Variants in DAGLB observed in about 807,000 individuals in gnomAD.
DAGLB encodes the protein diacylglycerol lipase beta.
In DAGLB, 66 loss-of-function variants were observed where a neutral mutation model predicts 72.1. That is an observed-to-expected ratio of 0.92 (90% confidence interval 0.75 to 1.12). The LOEUF is 1.12. DAGLB is among the 50% of genes most tolerant of loss of function. DAGLB has a pLI of 0.00. For synonymous variants in DAGLB, 414 were observed against 359.5 expected, an observed-to-expected ratio of 1.15 and a Z score of -1.71; for missense variants, 1,065 against 884.9, an observed-to-expected ratio of 1.20 and a Z score of -2.58.
chr7:6,421,321 A>C (rs1337707833), intron 9 of DAGLB, among the ~76,000 whole-genome samples: 4 of 112,350 alleles, frequency 3.6e-5, no homozygotes, highest in East Asian at 5.4e-4. Context: ...GCAGCGCGGG[A>C]GGCGCAGGCA....
intron 9 of DAGLB, among the ~76,000 whole-genome samples, chr7:6,420,491 C>G (rs556638051): frequency 6.6e-6 from 1 of 151,650 alleles, no homozygotes; most frequent in Non-Finnish European, 1.5e-5. Flanking sequence ...AAATCCTGTA[C>G]GATTCCACTT....
At position 6,416,726 on chromosome 7, in the gene DAGLB, C is replaced by T; in HGVS notation, c.1328G>A (p.Ser443Asn). 1 of 1,613,708 alleles carries T rather than the reference C, an allele frequency of 6.2e-7. No individual in the cohort carries two copies. The highest frequency in any genetic ancestry group is 8.5e-7 in the Non-Finnish European group (1 of 1,179,806). ...PEYRLVIVGH[S>N]LGGGAAALLA... Reference sequence around the variant, plus strand: ...CAGGGCGGCCGCCCCGCCCCCGAGGCTGTGGCCCACTATGACCAGCCGGTA... The same window carrying T: ...CAGGGCGGCCGCCCCGCCCCCGAGGTTGTGGCCCACTATGACCAGCCGGTA... The change falls in exon 11 of 15, where the codon AGC becomes AAC. Residue 443 changes from serine to asparagine, a missense_variant. Coordinates refer to ENST00000297056, the MANE Select transcript of DAGLB (RefSeq NM_139179.4).
chr7:6,445,241 T>C (rs1784960723), intron 2 of DAGLB, among the ~76,000 whole-genome samples: 1 of 152,192 alleles, frequency 6.6e-6, no homozygotes, highest in South Asian at 2.1e-4. Flanking sequence ...GCCTACCAAA[T>C]GGCAAAGGGA....
chr7:6,422,059 G>A (rs754566711), intron 8 of DAGLB: 3 of 590,002 alleles, frequency 5.1e-6, no homozygotes, highest in South Asian at 3.1e-5. Context: ...GACACGCCCT[G>A]CGCCTTCCCC....
chr7:6,419,602 C>T (rs909742668), intron 9 of DAGLB, among the ~76,000 whole-genome samples: 42 of 152,334 alleles, frequency 2.8e-4, no homozygotes, highest in African/African-American at 9.4e-4. Context: ...GAGCGGCAGC[C>T]TTCCCGACCC....
At chr7:6,438,137 G>GGTGGGAACTGAACAATGAGAAC (rs1784721399) in intron 2 of DAGLB, among the ~76,000 whole-genome samples, 1 of 151,990 alleles carries the variant, frequency 6.6e-6, no homozygotes, top group East Asian at 1.9e-4. Context: ...TTCACTCATA[G>GGTGGGAACTGAACAATGAGAAC]GTGGGAACTG....
intron 2 of DAGLB, 81 bp downstream of exon 2, chr7:6,445,872 A>G (rs1029205724): frequency 1.6e-5 from 23 of 1,429,404 alleles, no homozygotes; most frequent in Non-Finnish European, 2.2e-5. Flanking sequence ...AAGTTTACAG[A>G]AGTGAATTGT....
At chr7:6,446,868 G>A (rs974054375) in intron 1 of DAGLB, among the ~76,000 whole-genome samples, 13 of 152,110 alleles carry the variant, frequency 8.5e-5, no homozygotes, top group African/African-American at 3.1e-4. Flanking sequence ...AAGTTAGCTG[G>A]GCGTGGTGGC....
chr7:6,442,762 C>T lies in DAGLB; in HGVS notation c.247+3191G>A, dbSNP rs549701100. ...ATGTTTCTAGAGGCATACTAAAATA[C>T]ACAGAGCTAGCTGGGTGCAGTGGCT... On this transcript the variant is annotated intron_variant, in intron 2 of 14. Transcript: ENST00000297056. Among the ~76,000 whole-genome samples, 165 of 152,242 alleles carry T rather than the reference C, an allele frequency of 1.1e-3. 1 individual carries two copies. The highest frequency in any genetic ancestry group is 3.7e-3 in the African/African-American group (155 of 41,548).
intron 5 of DAGLB, among the ~76,000 whole-genome samples, chr7:6,431,430 A>G (rs1185244147): frequency 6.6e-6 from 1 of 152,200 alleles, no homozygotes; most frequent in Non-Finnish European, 1.5e-5. Context: ...AATTGTTCTA[A>G]TGCATAGAAT....
rs768414746 is a variant in DAGLB, at chr7:6,432,820, C to T, written c.801+17G>A. ...GTGTAAGTGTCAGAACTGGACACTC[C>T]ATGAAGCCAGGCTCACCTGGGAGCT... On this transcript the variant is annotated intron_variant, in intron 5 of 14. Transcript: ENST00000297056. 4 of 1,612,114 alleles carry T rather than the reference C, an allele frequency of 2.5e-6. No individual in the cohort carries two copies. The Admixed American group carries it at 5.0e-5, about 20-fold the overall frequency.
chr7:6,442,440 T>C (rs1784864656), intron 2 of DAGLB, among the ~76,000 whole-genome samples: 1 of 149,984 alleles, frequency 6.7e-6, no homozygotes, highest in Non-Finnish European at 1.5e-5. Flanking sequence ...CAAACAAACA[T>C]GTAAGGAAAA....
intron 9 of DAGLB, among the ~76,000 whole-genome samples, chr7:6,418,428 G>A (rs1783989240): frequency 2.0e-5 from 3 of 151,902 alleles, no homozygotes; most frequent in South Asian, 4.2e-4. Context: ...TTCCCTACAC[G>A]CAGTTAAGCC....
At chr7:6,433,001 G>C in intron 4 of DAGLB, 42 bp from the exon 5 acceptor site, 1 of 1,599,330 alleles carries the variant, frequency 6.3e-7, no homozygotes, top group Non-Finnish European at 8.5e-7. Context: ...AACCCAGCAG[G>C]CACCACCCCC....
intron 9 of DAGLB, among the ~76,000 whole-genome samples, chr7:6,420,965 G>C (rs548289424): frequency 8.5e-5 from 13 of 152,326 alleles, no homozygotes; most frequent in African/African-American, 1.2e-4. Context: ...CTGCTGCTCT[G>C]AGCTTTGATG....
In DAGLB at chr7:6,416,935, CAAAG is replaced by C; in HGVS notation, c.1219-18_1219-15del. 1 of 1,613,996 alleles carries C rather than the reference CAAAG, an allele frequency of 6.2e-7. No homozygotes were observed. The highest frequency in any genetic ancestry group is 1.1e-5 in the South Asian group (1 of 91,078). On this transcript the variant is annotated splice_polypyrimidine_tract_variant and intron_variant, in intron 9 of 14. Transcript: ENST00000297056. The stretch of plus-strand genomic sequence containing the variant: ...TTGAGAAATACCCTAAAAACACAGA[CAAAG>C]AAGGTGGCCGTTAATCCTCAGACAA...
intron 11 of DAGLB, among the ~76,000 whole-genome samples, chr7:6,413,406 G>A (rs911578843): frequency 1.3e-5 from 2 of 152,086 alleles, no homozygotes; most frequent in East Asian, 1.9e-4. Context: ...CGAGGCAGGC[G>A]GATCACAAGG....
In DAGLB at chr7:6,430,484, C is replaced by T; in HGVS notation, c.925G>A (p.Asp309Asn). The T allele has an allele frequency of 6.5e-7, 1 of 1,542,778 alleles. No individual in the cohort carries two copies. Among genetic ancestry groups the T allele is most frequent in the African/African-American group, 1.4e-5 (1 of 73,168 alleles). The change falls in exon 6 of 15, where the codon GAC becomes AAC. Residue 309 changes from aspartate to asparagine, a missense_variant. Coordinates refer to ENST00000297056, the MANE Select transcript of DAGLB (RefSeq NM_139179.4). ...PLTGLCRIGG[D>N]CCRSRTTDYD... ...GCTCAGACTGTGCCAACCCACCAGT[C>T]ACCACCAATCCTGCACAGCCCCGTG... is the stretch of plus-strand genomic sequence containing the variant.
intron 1 of DAGLB, among the ~76,000 whole-genome samples, chr7:6,447,184 C>A (rs1403072026): frequency 6.6e-6 from 1 of 152,174 alleles, no homozygotes; most frequent in Non-Finnish European, 1.5e-5. Context: ...TGCACAGATC[C>A]TCTGGGAACA....
Sources: gnomAD v4.1 joint callset for allele counts (sites outside exome capture counted in the v4.1 genomes callset) on GRCh38, gnomAD v4.1.1 for gene constraint, MANE v1.5 for transcripts, NCBI Gene and HGNC (gene_info 2026-07-23, HGNC 2026-07-21) for gene names.